ANO9: variants seen among roughly 807,000 people sequenced by gnomAD.
The protein encoded by ANO9 is anoctamin 9, also known as anoctamin-9.
A neutral mutation model predicts 100.5 loss-of-function variants in ANO9; 80 were observed. The ratio of observed to expected loss-of-function variants is 0.80; its 90% CI spans 0.66 to 0.96. ANO9 has a LOEUF of 0.96. Ranked by LOEUF, ANO9 falls within the 40% of genes least tolerant of loss-of-function variation. ANO9 has a pLI of 0.00. For synonymous variants in ANO9, 473 were observed against 435.6 expected, an observed-to-expected ratio of 1.09 and a Z score of -1.07; for missense variants, 1,064 against 1,072.7, an observed-to-expected ratio of 0.99 and a Z score of 0.11.
At chr11:434,198 G>T in intron 1 of ANO9, 100 bp from the exon 2 acceptor site, 1 of 1,342,748 alleles carries the variant, frequency 7.4e-7, no homozygotes, top group Non-Finnish European at 1.0e-6. Flanking sequence ...GTCACACACC[G>T]TCCCTCCCCA....
Position 422,108 on chromosome 11 carries a change from G to A in ANO9, c.1335-910C>T, listed in dbSNP as rs1037628678. ...GCTTTTCCGTGTGCGGCAAAGCTGC[G>A]GGGAAACATGGCATGAGAAAGTATC... is the stretch of plus-strand genomic sequence containing the variant. On this transcript the variant is annotated intron_variant, in intron 15 of 22. Coordinates refer to ENST00000332826, the MANE Select transcript of ANO9 (RefSeq NM_001012302.3). The surrounding 1 kb of genome is among the most constrained non-coding windows in gnomAD (Gnocchi z 4.3). Among the ~76,000 whole-genome samples the A allele has an allele frequency of 2.0e-5, 3 of 152,124 alleles. No homozygotes were observed. The highest frequency in any genetic ancestry group is 2.1e-4 in the South Asian group (1 of 4,828).
intron 1 of ANO9, among the ~76,000 whole-genome samples, chr11:435,354 G>T (rs62653133): frequency 0.59 from 89,144 of 151,564 alleles, 26,348 homozygotes; most frequent in Middle Eastern, 0.66. Flanking sequence ...GTCTAGTCTG[G>T]TCTAGTATAG....
In ANO9 at chr11:420,942, C is replaced by T. The variant is rs1232881459; in HGVS notation, c.1490+3G>A. ...CCGGGGCTGGGCGGGGGTCGGCACT[C>T]ACGGGACCAGGTACTCGACGCAGTT... is the stretch of plus-strand genomic sequence containing the variant. On this transcript the variant is annotated splice_donor_region_variant and intron_variant, in intron 17 of 22. Coordinates refer to ENST00000332826, the MANE Select transcript of ANO9 (RefSeq NM_001012302.3). The T allele has an allele frequency of 3.1e-6, 5 of 1,603,126 alleles. No individual in the cohort carries two copies. Among genetic ancestry groups the T allele is most frequent in the African/African-American group, 1.3e-5 (1 of 74,682 alleles).
intron 4 of ANO9, 183 bp downstream of exon 4, chr11:433,131 G>T: frequency 1.3e-6 from 1 of 748,096 alleles, no homozygotes; most frequent in East Asian, 2.9e-5. Context: ...ATCCTTTAAT[G>T]GGATGGGGAA....
At chr11:438,373 A>C (rs1201850442) in intron 1 of ANO9, among the ~76,000 whole-genome samples, 14 of 117,028 alleles carry the variant, frequency 1.2e-4, no homozygotes, top group Non-Finnish European at 2.1e-4. Flanking sequence ...ACACACAGCC[A>C]GACAGGTGTA....
At chr11:419,259 G>T (rs1848030757) in intron 20 of ANO9, 2 of 1,420,662 alleles carry the variant, frequency 1.4e-6, no homozygotes, top group South Asian at 1.5e-5. Flanking sequence ...GCTCCTCGAG[G>T]TCAGAGAGCT....
intron 1 of ANO9, among the ~76,000 whole-genome samples, chr11:435,392 T>C (rs931030949): frequency 2.0e-5 from 3 of 152,068 alleles, no homozygotes; most frequent in Middle Eastern, 3.2e-3. Flanking sequence ...TAGCATAATA[T>C]GGTATAGTCT....
chr11:434,033 G>A lies in ANO9; in HGVS notation c.72C>T (p.Ser24=). 2 of 1,550,996 alleles carry A rather than the reference G, an allele frequency of 1.3e-6. No individual in the cohort carries two copies. The highest frequency in any genetic ancestry group is 1.7e-6 in the Non-Finnish European group (2 of 1,147,338). ...GCCCCCGGACACCCACCTCACAGGT[G>A]CTGATCTCCATCAGCGGGAAGCTGT... ...EGDSFPLMEI[S]TCETEASEQW... is the part of the protein sequence containing the mutation. The change falls in exon 2 of 23, where the codon AGC becomes AGT. Residue 24 remains serine, a synonymous_variant. Transcript: ENST00000332826.
intron 4 of ANO9, 174 bp downstream of exon 4, chr11:433,140 A>C: frequency 2.5e-6 from 2 of 796,422 alleles, no homozygotes; most frequent in Non-Finnish European, 1.9e-6. Flanking sequence ...TGGGATGGGG[A>C]AGCTGAGGCT....
intron 1 of ANO9, among the ~76,000 whole-genome samples, chr11:438,452 C>T (rs1845554381): frequency 2.2e-5 from 3 of 138,474 alleles, no homozygotes; most frequent in Admixed American, 7.3e-5. Context: ...CAGGTGTAGC[C>T]ACCCCCTGAC....
rs1849079663 is a variant in ANO9, at chr11:432,318, C to T, written c.351-264G>A. The stretch of plus-strand genomic sequence containing the variant: ...GGCTCCTTCTCCTCCCAGCCCGTCC[C>T]TCCCAGAAGCCCAGACCACAGCCCG... On this transcript the variant is annotated intron_variant, in intron 4 of 22. Coordinates refer to ENST00000332826, the MANE Select transcript of ANO9 (RefSeq NM_001012302.3). The surrounding 1 kb of genome is among the most constrained non-coding windows in gnomAD (Gnocchi z 4.8). 3.7e-6 allele frequency: 2 copies of T among 533,684 alleles called. No individual in the cohort carries two copies. The highest frequency in any genetic ancestry group is 1.9e-5 in the African/African-American group (1 of 52,542). The allele number at this position is 533,684 out of a possible 1,614,324, so 33.1% of individuals were successfully genotyped here. A position where few individuals can be genotyped will look rare whatever the true frequency, so the allele number is the denominator to read the frequency against.
chr11:429,596 C>G lies in ANO9; in HGVS notation c.889G>C (p.Asp297His), dbSNP rs1036879571. The G allele has an allele frequency of 1.9e-6, 3 of 1,612,500 alleles. No homozygotes were observed. The African/African-American group carries it at 4.0e-5, about 22-fold the overall frequency. ...TGTTCCTCGTCCCACACGTACAGGT[C>G]CCAGTGCAGGACCACGCGGGCGCGC... is the stretch of plus-strand genomic sequence containing the variant. ...RQRARVVLHW[D>H]LYVWDEEQEE... The change falls in exon 11 of 23, where the codon GAC (aspartate) becomes CAC (histidine). Residue 297 changes from aspartate (D) to histidine (H), a missense_variant. Coordinates refer to ENST00000332826, the MANE Select transcript of ANO9 (RefSeq NM_001012302.3).
intron 19 of ANO9, 170 bp from the exon 20 acceptor site, chr11:419,899 G>A: frequency 7.0e-7 from 1 of 1,437,432 alleles, no homozygotes; most frequent in Non-Finnish European, 9.1e-7. Context: ...GCAGAGCATG[G>A]CCTCTGCGCT....
chr11:418,113 C>T lies in ANO9; in HGVS notation c.*258G>A. ...CCTGCCTTGTGGCTGCCTGAGGAGC[C>T]CTCACTCCCAGTTCTGTGGGTGCCC... On this transcript the variant is annotated 3_prime_UTR_variant, in exon 23 of 23. Coordinates refer to ENST00000332826, the MANE Select transcript of ANO9 (RefSeq NM_001012302.3). 2.2e-6 allele frequency: 1 copy of T among 457,854 alleles called. No homozygotes were observed. 28.4% of individuals were successfully genotyped at this position (457,854 alleles called of 1,614,324 possible).
Position 421,209 on chromosome 11 carries a change from A to G in ANO9, c.1335-11T>C. 6.5e-7 allele frequency: 1 copy of G among 1,534,282 alleles called. No individual in the cohort carries two copies. The highest frequency in any genetic ancestry group is 8.8e-7 in the Non-Finnish European group (1 of 1,137,764). ...GGGTGGCCGTTGATCCTGGGGAGGA[A>G]GGGGAAGTCTGGGGCACTGCGGGCA... On this transcript the variant is annotated splice_polypyrimidine_tract_variant and intron_variant, in intron 15 of 22. Coordinates refer to ENST00000332826, the MANE Select transcript of ANO9 (RefSeq NM_001012302.3). The surrounding 1 kb of genome is among the most constrained non-coding windows in gnomAD (Gnocchi z 6.8).
Position 420,873 on chromosome 11 carries a change from C to G in ANO9, c.1491-13G>C. ...GTGGGTCACCCACCTGCGGGGAGAGCTGCGTGGCAGGGAGGGCGCAGGGGG... is the reference window on the plus strand; with the variant it reads ...GTGGGTCACCCACCTGCGGGGAGAGGTGCGTGGCAGGGAGGGCGCAGGGGG... On this transcript the variant is annotated splice_polypyrimidine_tract_variant and intron_variant, in intron 17 of 22. Transcript: ENST00000332826. 1.9e-6 allele frequency: 3 copies of G among 1,588,554 alleles called. No homozygotes were observed. The highest frequency in any genetic ancestry group is 2.6e-6 in the Non-Finnish European group (3 of 1,169,674).
intron 7 of ANO9, 42 bp from the exon 8 acceptor site, chr11:430,445 G>A (rs1437616481): frequency 6.9e-7 from 1 of 1,441,706 alleles, no homozygotes; most frequent in East Asian, 2.5e-5. Flanking sequence ...AGGGGGCGGT[G>A]GGGGAGGGAC....
In ANO9 at chr11:430,107, G is replaced by A. The variant is rs954060505; in HGVS notation, c.747C>T (p.Leu249=). 4 of 1,552,110 alleles carry A rather than the reference G, an allele frequency of 2.6e-6. No homozygotes were observed. The highest frequency in any genetic ancestry group is 3.5e-6 in the Non-Finnish European group (4 of 1,148,268). ...LGDHSRRYQR[L]SETCTFAKLT... ...CCTTGGCAAAAGTGCAGGTTTCCGAGAGCCGCTGGTACCTGCGGCTGTGGT... is the reference window on the plus strand; with the variant it reads ...CCTTGGCAAAAGTGCAGGTTTCCGAAAGCCGCTGGTACCTGCGGCTGTGGT... Residue 249 remains leucine, a synonymous_variant, in exon 9 of 23, where the codon CTC becomes CTT. Transcript: ENST00000332826.
At position 431,880 on chromosome 11, in the gene ANO9, C is replaced by T. The variant is rs373349267; in HGVS notation, c.433G>A (p.Gly145Arg). The change falls in exon 6 of 23, where the codon GGG becomes AGG. Residue 145 changes from glycine to arginine, a missense_variant. Gly to Arg is a moderately radical substitution (Grantham distance 125). Transcript: ENST00000332826. ...AGGGGGAACCTGGCCTCAAAGACCC[C>T]GTCCTTCATCAGATCCTCGAAGGTC... Reference protein sequence around the residue: ...GETFEDLMKDGVFEARFPLHK... With the variant: ...GETFEDLMKDRVFEARFPLHK... The T allele has an allele frequency of 2.9e-5, 46 of 1,610,594 alleles. No individual in the cohort carries two copies. In the South Asian group the frequency reaches 3.7e-4, roughly 13 times the overall value.
Sources: allele counts gnomAD v4.1 joint callset (sites outside exome capture counted in the v4.1 genomes callset), GRCh38; gene constraint gnomAD v4.1.1; non-coding constraint Gnocchi (gnomAD v3.1); transcripts MANE v1.5; gene names NCBI Gene and HGNC (gene_info 2026-07-23, HGNC 2026-07-21).